CFAP20: variants seen among roughly 807,000 people sequenced by gnomAD.
CFAP20 encodes the protein cilia- and flagella-associated protein 20.
In CFAP20, 14 loss-of-function variants were observed where a neutral mutation model predicts 25.5. The ratio of observed to expected loss-of-function variants is 0.55; its 90% CI spans 0.36 to 0.86. The LOEUF is 0.86. Among genes scored for constraint, CFAP20 ranks in the 40% least tolerant of loss-of-function variants. The pLI, the probability that CFAP20 is intolerant of heterozygous loss-of-function variation, is 0.01. For missense variants in CFAP20, 181 were observed against 248.0 expected (o/e 0.73, Z 1.81); for synonymous variants, 75 against 91.1 (o/e 0.82, Z 1.01).
At chr16:58,128,263 A>G (rs757200447) in intron 1 of CFAP20, among the ~76,000 whole-genome samples, 13 of 152,224 alleles carry the variant, frequency 8.5e-5, no homozygotes, top group Non-Finnish European at 1.9e-4. Flanking sequence ...CATCTAGTGG[A>G]TGCCTGAATA....
rs190519463 is a variant in CFAP20 at position 58,119,544 on chromosome 16, A to G, written c.85-2593T>C. Among the ~76,000 whole-genome samples, 7 of 152,300 alleles carry G rather than the reference A, an allele frequency of 4.6e-5. No individual in the cohort carries two copies. In the East Asian group the frequency reaches 1.4e-3, roughly 29 times the overall value. On this transcript the variant is annotated intron_variant, in intron 1 of 5. Transcript: ENST00000262498. ...AGAATGCTTCCACAAATGGGTGCCC[A>G]TTGTCAGAGACAGAATACTGGGCTA...
chr16:58,126,442 GCAGA>G (rs1273376524), intron 1 of CFAP20, among the ~76,000 whole-genome samples: 1 of 152,186 alleles, frequency 6.6e-6, no homozygotes, highest in Non-Finnish European at 1.5e-5. Flanking sequence ...TCACTTCTAT[GCAGA>G]CAGAGCCTAA....
intron 1 of CFAP20, 88 bp downstream of exon 1, chr16:58,128,944 T>G: frequency 7.7e-7 from 1 of 1,296,330 alleles, no homozygotes; most frequent in Non-Finnish European, 1.0e-6. Context: ...CAGGCCCCAA[T>G]TCGACACAAC....
chr16:58,123,088 G>A (rs111563370), intron 1 of CFAP20, among the ~76,000 whole-genome samples: 7,155 of 151,738 alleles, frequency 0.047, 206 homozygotes, highest in South Asian at 0.16. Flanking sequence ...TCCACCTCCC[G>A]GGTTCAAGTG....
intron 1 of CFAP20, among the ~76,000 whole-genome samples, chr16:58,118,753 T>A (rs1457503053): frequency 1.3e-5 from 2 of 151,812 alleles, no homozygotes; most frequent in Non-Finnish European, 2.9e-5. Context: ...GCCTGGGAGG[T>A]CGAGGCTGCA....
chr16:58,121,857 T>A (rs984907318), intron 1 of CFAP20, among the ~76,000 whole-genome samples: 6 of 152,208 alleles, frequency 3.9e-5, no homozygotes, highest in Non-Finnish European at 7.3e-5. Flanking sequence ...TGCTGTATAT[T>A]TCTATGACTG....
chr16:58,129,337 C>A lies in CFAP20; in HGVS notation c.-222G>T. On this transcript the variant is annotated 5_prime_UTR_variant, in exon 1 of 6. Transcript: ENST00000262498. ...CTAAGCTGCGAGCTCAGAACGGAAACCACAGCAACTACCGTCCGCGCCGCG... is the reference window on the plus strand; with the variant it reads ...CTAAGCTGCGAGCTCAGAACGGAAAACACAGCAACTACCGTCCGCGCCGCG... 1 of 535,574 alleles carries A rather than the reference C, an allele frequency of 1.9e-6. No homozygotes were observed. The highest frequency in any genetic ancestry group is 3.3e-6 in the Non-Finnish European group (1 of 300,252). 33.2% of individuals were successfully genotyped at this position (535,574 alleles called of 1,614,324 possible).
intron 2 of CFAP20, chr16:58,116,422 G>A (rs1374389874): frequency 5.8e-6 from 2 of 342,380 alleles, no homozygotes; most frequent in East Asian, 9.9e-5. Flanking sequence ...CCTCCAGTGA[G>A]AGAAGACCTC....
At position 58,129,280 on chromosome 16, in the gene CFAP20, C is replaced by T; in HGVS notation, c.-165G>A. ...GCAGCCACTGATGGCCGGACTCGGA[C>T]GCGGCAACGCTAAGTCCGCGATCTT... is the stretch of plus-strand genomic sequence containing the variant. On this transcript the variant is annotated 5_prime_UTR_variant, in exon 1 of 6. Coordinates refer to ENST00000262498, the MANE Select transcript of CFAP20 (RefSeq NM_013242.3). 3.0e-6 allele frequency: 2 copies of T among 670,572 alleles called. No homozygotes were observed. Among genetic ancestry groups the T allele is most frequent in the Non-Finnish European group, 5.0e-6 (2 of 398,128 alleles). The allele number at this position is 670,572 out of a possible 1,614,324, so 41.5% of individuals were successfully genotyped here.
chr16:58,115,276 C>A lies in CFAP20; in HGVS notation c.458G>T (p.Arg153Ile). The part of the protein sequence containing the change: ...AYGTNYIETL[R>I]VQIHANCRIR... ...CTGGGAAAGGAGCAGTACCTGCACT[C>A]TGAGGGTCTCGATGTAATTGGTGCC... Residue 153 changes from arginine to isoleucine, a missense_variant, in exon 4 of 6, where the codon AGA becomes ATA. Transcript: ENST00000262498. 6.2e-7 allele frequency: 1 copy of A among 1,614,196 alleles called. No homozygotes were observed.
At chr16:58,118,910 G>A (rs1010005750) in intron 1 of CFAP20, among the ~76,000 whole-genome samples, 1 of 152,174 alleles carries the variant, frequency 6.6e-6, no homozygotes, top group Non-Finnish European at 1.5e-5. Context: ...GTTTAGAACA[G>A]GAGACATCAG....
chr16:58,119,823 T>G (rs1300664140), intron 1 of CFAP20, among the ~76,000 whole-genome samples: 2 of 148,076 alleles, frequency 1.4e-5, no homozygotes, highest in Non-Finnish European at 3.0e-5. Context: ...GTTCCCAACC[T>G]AAGTGCCCAC....
In CFAP20 at chr16:58,120,706, G is replaced by C. The variant is rs181633837; in HGVS notation, c.85-3755C>G. 1.5e-3 allele frequency among the ~76,000 whole-genome samples: 234 copies of C among 152,264 alleles called. 1 individual carries two copies. Among genetic ancestry groups the C allele is most frequent in the Non-Finnish European group, 2.4e-3 (160 of 68,018 alleles). On this transcript the variant is annotated intron_variant, in intron 1 of 5. Transcript: ENST00000262498. Reference sequence around the variant, plus strand: ...ATTTCTTTTTCTCCCAGTGTTACTAGATAACAAACACACTCACAAATTTAA... The same window carrying C: ...ATTTCTTTTTCTCCCAGTGTTACTACATAACAAACACACTCACAAATTTAA...
chr16:58,129,193 G>T lies in CFAP20; in HGVS notation c.-78C>A. 6.7e-7 allele frequency: 1 copy of T among 1,497,444 alleles called. No homozygotes were observed. The highest frequency in any genetic ancestry group is 9.2e-7 in the Non-Finnish European group (1 of 1,091,832). 92.8% of individuals were successfully genotyped at this position (1,497,444 alleles called of 1,614,324 possible). A position where few individuals can be genotyped will look rare whatever the true frequency, so the allele number is the denominator to read the frequency against. On this transcript the variant is annotated 5_prime_UTR_variant, in exon 1 of 6. Transcript: ENST00000262498. ...GTAGATACAGGCACCGAGCGTCGAG[G>T]GCACAGCAGCAGGCCGGCCCTGTTC...
At position 58,113,995 on chromosome 16, in the gene CFAP20, AG is replaced by A. The variant is rs71850787; in HGVS notation, c.*29del. On this transcript the variant is annotated 3_prime_UTR_variant, in exon 6 of 6. Coordinates refer to ENST00000262498, the MANE Select transcript of CFAP20 (RefSeq NM_013242.3). ...CCTTTTAAAAAGAAGAGTCACATCCAGGGGTCTATCCCTCGAGTCACAATTC... is the reference window on the plus strand; with the variant it reads ...CCTTTTAAAAAGAAGAGTCACATCCAGGGTCTATCCCTCGAGTCACAATTC... 0.05 allele frequency: 79,676 copies of A among 1,609,368 alleles called. 2,730 individuals are homozygous for A. The highest frequency in any genetic ancestry group is 0.15 in the South Asian group (14,041 of 90,954).
chr16:58,124,352 C>A (rs1187876775), intron 1 of CFAP20, among the ~76,000 whole-genome samples: 1 of 152,198 alleles, frequency 6.6e-6, no homozygotes, highest in Non-Finnish European at 1.5e-5. Flanking sequence ...ATATTTAATT[C>A]TGTATGTCAT....
At chr16:58,118,779 G>A (rs1960492625) in intron 1 of CFAP20, among the ~76,000 whole-genome samples, 1 of 152,160 alleles carries the variant, frequency 6.6e-6, no homozygotes, top group Admixed American at 6.5e-5. Flanking sequence ...CCGTGATTGT[G>A]CCACTGTACT....
At chr16:58,115,835 T>C (rs890872175) in intron 3 of CFAP20, 3 of 517,706 alleles carry the variant, frequency 5.8e-6, no homozygotes, top group African/African-American at 1.9e-5. Flanking sequence ...CTAGGTTTTC[T>C]AGGTGCTGTT....
chr16:58,129,048 T>C lies in CFAP20; in HGVS notation c.68A>G (p.Gln23Arg). 6.2e-7 allele frequency: 1 copy of C among 1,613,744 alleles called. No homozygotes were observed. The highest frequency in any genetic ancestry group is 8.5e-7 in the Non-Finnish European group (1 of 1,179,924). The change falls in exon 1 of 6, where the codon CAA becomes CGA. Residue 23 changes from glutamine to arginine, a missense_variant. Physicochemically the swap from Gln to Arg is conservative, Grantham distance 43. Transcript: ENST00000262498. ...ILYSIGSKPL[Q>R]IWDKKVRNGH... ...TAGCCCGACCTTTTTGTCCCAGATT[T>C]GCAGAGGCTTGCTGCCGATGCTGTA...
Sources: allele counts gnomAD v4.1 joint callset (sites outside exome capture counted in the v4.1 genomes callset), GRCh38; gene constraint gnomAD v4.1.1; transcripts MANE v1.5; gene names NCBI Gene and HGNC (gene_info 2026-07-23, HGNC 2026-07-21).